Variants in INIP observed in about 807,000 individuals in gnomAD.
The protein encoded by INIP is INTS3 and NABP interacting protein, also known as SOSS complex subunit C.
INIP carries 9 observed loss-of-function variants against 14.0 expected under a neutral mutation model. The observed-to-expected ratio is 0.64, with a 90% CI of 0.39 to 1.12. INIP has a LOEUF of 1.12. Ranked by LOEUF, INIP falls within the 50% of genes most tolerant of loss-of-function variation. INIP has a pLI of 0.01. For missense variants in INIP, 78 were observed against 122.7 expected, an observed-to-expected ratio of 0.64 and a Z score of 1.72; for synonymous variants, 37 against 41.5, an observed-to-expected ratio of 0.89 and a Z score of 0.41.
At chr9:112,697,403 A>G (rs554310465) in intron 2 of INIP, among the ~76,000 whole-genome samples, 1 of 152,348 alleles carries the variant, frequency 6.6e-6, no homozygotes, top group South Asian at 2.1e-4. Flanking sequence ...CAGAATGGTT[A>G]TTCAAGACCT....
intron 3 of INIP, 79 bp downstream of exon 3, chr9:112,694,052 G>A: frequency 1.1e-6 from 1 of 907,832 alleles, no homozygotes; most frequent in Non-Finnish European, 1.7e-6. Context: ...TCCAGCCTGG[G>A]GGACAGGGCG....
chr9:112,707,082 C>T (rs376874197), intron 2 of INIP, among the ~76,000 whole-genome samples: 72 of 151,628 alleles, frequency 4.7e-4, no homozygotes, highest in Middle Eastern at 3.4e-3. Context: ...AGCATAATTA[C>T]GCATTAGCCA....
Position 112,716,552 on chromosome 9 carries a change from T to C in INIP, c.-56-11A>G. ...GCACTTCACAATCACCTATAAAATATGTGTACACACATATACAATGCACCA... is the reference window on the plus strand; with the variant it reads ...GCACTTCACAATCACCTATAAAATACGTGTACACACATATACAATGCACCA... On this transcript the variant is annotated splice_polypyrimidine_tract_variant and intron_variant, in intron 1 of 4. Transcript: ENST00000374242. 2 of 1,322,204 alleles carry C rather than the reference T, an allele frequency of 1.5e-6. No homozygotes were observed. Among genetic ancestry groups the C allele is most frequent in the Non-Finnish European group, 2.2e-6 (2 of 913,672 alleles). 81.9% of individuals were successfully genotyped at this position (1,322,204 alleles called of 1,614,324 possible). A position where few individuals can be genotyped will look rare whatever the true frequency, so the allele number is the denominator to read the frequency against.
At chr9:112,699,957 G>A (rs1243593913) in intron 2 of INIP, among the ~76,000 whole-genome samples, 2 of 152,150 alleles carry the variant, frequency 1.3e-5, no homozygotes, top group African/African-American at 2.4e-5. Flanking sequence ...ATTCTGTTTA[G>A]TAAGTAGTCA....
chr9:112,693,028 CA>C (rs1223728146), intron 3 of INIP, among the ~76,000 whole-genome samples: 3,038 of 85,136 alleles, frequency 0.036, 81 homozygotes, highest in African/African-American at 0.099. Flanking sequence ...GACCCTGTCT[CA>C]AAAAAAAAAA....
At chr9:112,703,382 C>G (rs997098266) in intron 2 of INIP, among the ~76,000 whole-genome samples, 7 of 152,194 alleles carry the variant, frequency 4.6e-5, no homozygotes, top group Non-Finnish European at 1.0e-4. Context: ...ATCCTCAACT[C>G]CATGTTGAAC....
intron 4 of INIP, among the ~76,000 whole-genome samples, chr9:112,687,867 C>CCT (rs1182211549): frequency 6.6e-6 from 1 of 151,978 alleles, no homozygotes; most frequent in East Asian, 1.9e-4. Context: ...GGGCGAATCA[C>CCT]GAGGTCAGGA....
At chr9:112,689,079 A>G (rs1564220692) in intron 4 of INIP, among the ~76,000 whole-genome samples, 1 of 152,158 alleles carries the variant, frequency 6.6e-6, no homozygotes, top group Non-Finnish European at 1.5e-5. Flanking sequence ...TCCTATAGTA[A>G]GAGTTAGCTA....
In INIP at chr9:112,689,736, A is replaced by G. The variant is rs185494451; in HGVS notation, c.129-119T>C. On this transcript the variant is annotated intron_variant, in intron 3 of 4. Coordinates refer to ENST00000374242, the MANE Select transcript of INIP (RefSeq NM_021218.3). The stretch of plus-strand genomic sequence containing the variant: ...GAGGTATCCTTGACAAAAACTGCAT[A>G]TACTTCCAGTGTACAATATGATGTT... 6.6e-5 allele frequency: 45 copies of G among 682,742 alleles called. 1 individual carries two copies. The African/African-American group carries it at 7.3e-4, about 11-fold the overall frequency. 42.3% of individuals were successfully genotyped at this position (682,742 alleles called of 1,614,324 possible).
At chr9:112,717,347 C>G (rs962496766) in intron 1 of INIP, among the ~76,000 whole-genome samples, 1 of 152,116 alleles carries the variant, frequency 6.6e-6, no homozygotes, top group Non-Finnish European at 1.5e-5. Context: ...TTATTTATCA[C>G]CATTTTATAG....
chr9:112,689,716 A>G lies in INIP; in HGVS notation c.129-99T>C, dbSNP rs544236349. 2.8e-5 allele frequency: 23 copies of G among 835,110 alleles called. No homozygotes were observed. The South Asian group carries it at 3.5e-4, about 13-fold the overall frequency. 51.7% of individuals were successfully genotyped at this position (835,110 alleles called of 1,614,324 possible). Reference sequence around the variant, plus strand: ...TATCTTCTTTTTTTTAAATTGAGGTATCCTTGACAAAAACTGCATATACTT... The same window carrying G: ...TATCTTCTTTTTTTTAAATTGAGGTGTCCTTGACAAAAACTGCATATACTT... On this transcript the variant is annotated intron_variant, in intron 3 of 4. Transcript: ENST00000374242.
chr9:112,696,390 G>C (rs1251887245), intron 2 of INIP, among the ~76,000 whole-genome samples: 1 of 152,176 alleles, frequency 6.6e-6, no homozygotes, highest in Non-Finnish European at 1.5e-5. Context: ...CTCGAGAGAA[G>C]TCTTCTACTC....
intron 3 of INIP, among the ~76,000 whole-genome samples, chr9:112,691,763 A>C (rs1447551356): frequency 1.3e-5 from 2 of 152,170 alleles, no homozygotes; most frequent in African/African-American, 4.8e-5. Flanking sequence ...TAATCCCAGC[A>C]CTTTGGGAGG....
rs756726231 is a variant in INIP, at chr9:112,705,962, C to T, written c.25+10499G>A. On this transcript the variant is annotated intron_variant, in intron 2 of 4. Coordinates refer to ENST00000374242, the MANE Select transcript of INIP (RefSeq NM_021218.3). ...GACGAGGCAGAGATCAGTCTTGGCA[C>T]GGTTACGAACACCCTCTGGTGGTAA... 5.1e-4 allele frequency among the ~76,000 whole-genome samples: 78 copies of T among 152,242 alleles called. 1 individual carries two copies. Among genetic ancestry groups the T allele is most frequent in the African/African-American group, 1.7e-3 (72 of 41,538 alleles).
In INIP at chr9:112,696,908, C is replaced by T. The variant is rs150965831; in HGVS notation, c.26-2675G>A. Among the ~76,000 whole-genome samples, 17 of 152,336 alleles carry T rather than the reference C, an allele frequency of 1.1e-4. No individual in the cohort carries two copies. The East Asian group carries it at 2.9e-3, about 26-fold the overall frequency. ...GCACACCATCTTTCAAGCACCTTCA[C>T]ACATTCAGCTATCCAGAAGCTCATC... On this transcript the variant is annotated intron_variant, in intron 2 of 4. Coordinates refer to ENST00000374242, the MANE Select transcript of INIP (RefSeq NM_021218.3).
intron 2 of INIP, among the ~76,000 whole-genome samples, chr9:112,715,754 CA>C (rs1226001400): frequency 2.0e-4 from 29 of 144,046 alleles, no homozygotes; most frequent in Non-Finnish European, 3.0e-5. Flanking sequence ...GCCTGGGCAA[CA>C]AGAGCGAAAT....
chr9:112,695,832 GAGAAGA>G (rs1199923212), intron 2 of INIP, among the ~76,000 whole-genome samples: 1 of 102,460 alleles, frequency 9.8e-6, no homozygotes, highest in African/African-American at 2.9e-5. Context: ...GAAGAAGAAG[GAGAAGA>G]AGGAGAAGAA....
In INIP at chr9:112,687,555, G is replaced by A. The variant is rs748064382; in HGVS notation, c.298C>T (p.Arg100Cys). Residue 100 changes from arginine to cysteine, a missense_variant, in exon 5 of 5, where the codon CGC becomes TGC. Coordinates refer to ENST00000374242, the MANE Select transcript of INIP (RefSeq NM_021218.3). ...TGTTTTCTTCATTCTGGGTCAAGGC[G>A]AGGTAAAACAGGAAGAATAAGGTTC... is the stretch of plus-strand genomic sequence containing the variant. Reference protein sequence around the residue: ...FGNLILPVLPRLDPE With the variant: ...FGNLILPVLPCLDPE 3.7e-6 allele frequency: 6 copies of A among 1,606,026 alleles called. No individual in the cohort carries two copies. The highest frequency in any genetic ancestry group is 4.3e-6 in the Non-Finnish European group (5 of 1,173,396).
intron 2 of INIP, among the ~76,000 whole-genome samples, chr9:112,715,149 C>T (rs1292546740): frequency 2.0e-5 from 3 of 149,120 alleles, no homozygotes; most frequent in African/African-American, 7.5e-5. Context: ...CACACACACA[C>T]ACACACACAC....
Sources: allele counts gnomAD v4.1 joint callset (sites outside exome capture counted in the v4.1 genomes callset), GRCh38; gene constraint gnomAD v4.1.1; transcripts MANE v1.5; gene names NCBI Gene and HGNC (gene_info 2026-07-23, HGNC 2026-07-21).